Variants in RNF17 observed in about 807,000 individuals in gnomAD.
The protein encoded by RNF17 is ring finger protein 17.
RNF17 carries 31 observed loss-of-function variants against 200.5 expected under a neutral mutation model. That is an observed-to-expected ratio of 0.15 (90% CI 0.12 to 0.21). The LOEUF is 0.21. Among genes scored for constraint, RNF17 ranks in the 10% least tolerant of loss-of-function variants. The pLI, the probability that RNF17 is intolerant of heterozygous loss-of-function variation, is 1.00. For missense variants in RNF17, 1,628 were observed against 1,905.1 expected, an observed-to-expected ratio of 0.85 and a Z score of 2.71; for synonymous variants, 606 against 637.8, an observed-to-expected ratio of 0.95 and a Z score of 0.75.
rs750600064 is a variant in RNF17 at position 24,870,745 on chromosome 13, C to G, written c.4447+6C>G. The G allele has an allele frequency of 8.7e-6, 14 of 1,611,866 alleles. No homozygotes were observed. Among genetic ancestry groups the G allele is most frequent in the Middle Eastern group, 1.7e-4 (1 of 6,048 alleles). ...TCTGACGGATTTTAGAACAGGTATA[C>G]TTACTATATTTGAATGAAACAGGAT... is the stretch of plus-strand genomic sequence containing the variant. On this transcript the variant is annotated splice_donor_region_variant and intron_variant, in intron 32 of 35. Coordinates refer to ENST00000255324, the MANE Select transcript of RNF17 (RefSeq NM_031277.3).
chr13:24,793,407 T>A (rs1884136881), intron 10 of RNF17, 61 bp downstream of exon 10: 3 of 1,449,668 alleles, frequency 2.1e-6, no homozygotes, highest in Non-Finnish European at 2.8e-6. Flanking sequence ...ACACAGTTGG[T>A]ACCTTTTTCG....
rs1893601373 is a variant in RNF17 at position 24,866,132 on chromosome 13, A to G, written c.4102-12A>G. 1 of 1,417,394 alleles carries G rather than the reference A, an allele frequency of 7.1e-7. No homozygotes were observed. The allele number at this position is 1,417,394 out of a possible 1,614,324, so 87.8% of individuals were successfully genotyped here. A position where few individuals can be genotyped will look rare whatever the true frequency, so the allele number is the denominator to read the frequency against. On this transcript the variant is annotated splice_polypyrimidine_tract_variant and intron_variant, in intron 29 of 35. Transcript: ENST00000255324. The stretch of plus-strand genomic sequence containing the variant: ...GCTAAAGGTGATTTTACTCAATACC[A>G]TATTATTTCAGAAACCAAGATCAGA...
intron 9 of RNF17, among the ~76,000 whole-genome samples, chr13:24,791,924 A>G (rs1055749107): frequency 4.6e-5 from 7 of 152,168 alleles, no homozygotes; most frequent in African/African-American, 1.7e-4. Flanking sequence ...AATTAATCAG[A>G]TAGGTTAACA....
Position 24,859,026 on chromosome 13 carries a change from T to C in RNF17, c.3636T>C (p.Asn1212=), listed in dbSNP as rs764786790. ...LSEFELIKMT[N]EIQSNLKCLG... is the part of the protein sequence containing the mutation. ...AATTTGAGCTAATAAAAATGACAAA[T>C]GAAATTCAAAGTAATTTAAAATGCC... The change falls in exon 26 of 36, where the codon AAT becomes AAC. Residue 1212 remains asparagine, a synonymous_variant. Coordinates refer to ENST00000255324, the MANE Select transcript of RNF17 (RefSeq NM_031277.3). The C allele has an allele frequency of 6.3e-7, 1 of 1,594,650 alleles. No homozygotes were observed.
At chr13:24,758,022 A>G in the RNF17 span, among the ~76,000 whole-genome samples, 1 of 152,160 alleles carries the variant, frequency 6.6e-6, no homozygotes, top group East Asian at 1.9e-4. Context: ...TGCTCCCACC[A>G]TGTAAGACAC....
intron 18 of RNF17, 116 bp from the exon 19 acceptor site, chr13:24,841,925 C>T: frequency 2.7e-6 from 2 of 748,278 alleles, no homozygotes; most frequent in Admixed American, 5.3e-5. Flanking sequence ...GAGATCGTGC[C>T]ACTGCACTCC....
intron 24 of RNF17, among the ~76,000 whole-genome samples, chr13:24,853,630 TA>T (rs1258908697): frequency 6.6e-6 from 1 of 152,222 alleles, no homozygotes; most frequent in Non-Finnish European, 1.5e-5. Flanking sequence ...GCATAGTCTG[TA>T]AATATAGAAA....
At chr13:24,797,679 GGA>G (rs140460990) in intron 11 of RNF17, among the ~76,000 whole-genome samples, 40 of 120,496 alleles carry the variant, frequency 3.3e-4, no homozygotes, top group Non-Finnish European at 3.3e-4. Context: ...TGAGTGGCAG[GGA>G]GAGAGAGAGA....
intron 11 of RNF17, among the ~76,000 whole-genome samples, chr13:24,798,766 T>G (rs959916416): frequency 6.7e-6 from 1 of 150,232 alleles, no homozygotes; most frequent in Non-Finnish European, 1.5e-5. Flanking sequence ...CCTTTTTTTT[T>G]GTTTGTTTGA....
intron 18 of RNF17, among the ~76,000 whole-genome samples, chr13:24,840,834 A>G (rs1256247268): frequency 1.3e-5 from 2 of 152,170 alleles, no homozygotes; most frequent in Admixed American, 6.5e-5. Flanking sequence ...AGTCACCGCT[A>G]AAGAACTTAC....
intron 15 of RNF17, among the ~76,000 whole-genome samples, chr13:24,820,121 CTT>C (rs200683421): frequency 0.49 from 54,898 of 112,270 alleles, 10,444 homozygotes; most frequent in South Asian, 0.61. Context: ...TTTCTTTTTT[CTT>C]TTTTTTTTTT....
At chr13:24,831,458 T>C (rs1231702583) in intron 17 of RNF17, among the ~76,000 whole-genome samples, 1 of 151,962 alleles carries the variant, frequency 6.6e-6, no homozygotes, top group Non-Finnish European at 1.5e-5. Flanking sequence ...AAAAAACAAA[T>C]GAGCAAAAGG....
intron 15 of RNF17, among the ~76,000 whole-genome samples, chr13:24,823,662 C>T (rs1260726908): frequency 6.6e-6 from 1 of 152,132 alleles, no homozygotes; most frequent in Non-Finnish European, 1.5e-5. Context: ...TAGTTAAAGT[C>T]TTTTTATTTC....
chr13:24,782,606 G>GGT (rs1882544730), intron 6 of RNF17, among the ~76,000 whole-genome samples: 1 of 29,712 alleles, frequency 3.4e-5, no homozygotes. Flanking sequence ...AGGCTGAGAT[G>GGT]GGGGGGGGAT....
At chr13:24,790,933 C>G (rs1320148042) in intron 9 of RNF17, among the ~76,000 whole-genome samples, 1 of 152,170 alleles carries the variant, frequency 6.6e-6, no homozygotes, top group African/African-American at 2.4e-5. Flanking sequence ...CCCAAAGGCC[C>G]CACCTCTTAA....
the RNF17 span, among the ~76,000 whole-genome samples, chr13:24,759,024 G>A: frequency 1.6e-5 from 2 of 126,216 alleles, no homozygotes. Flanking sequence ...AAGTTGCAGT[G>A]AACTGAGATC....
At chr13:24,840,095 A>G (rs1451053117) in intron 18 of RNF17, among the ~76,000 whole-genome samples, 1 of 152,240 alleles carries the variant, frequency 6.6e-6, no homozygotes, top group African/African-American at 2.4e-5. Flanking sequence ...AAAAAAAGAT[A>G]TACAAATGGC....
At chr13:24,883,005 T>TATC (rs1555294445), downstream of RNF17, 2 of 628,074 alleles carry the variant, frequency 3.2e-6, no homozygotes, top group Non-Finnish European at 5.6e-6. Flanking sequence ...AAATGAGAGC[T>TATC]ATCATTGCAT....
At chr13:24,885,508 CTT>C in the RNF17 span, 2 of 1,196,934 alleles carry the variant, frequency 1.7e-6, no homozygotes, top group South Asian at 2.4e-5. Flanking sequence ...AGTAAAAACT[CTT>C]TTTTACACGT....
Sources: gnomAD v4.1 joint callset for allele counts (sites outside exome capture counted in the v4.1 genomes callset) on GRCh38, gnomAD v4.1.1 for gene constraint, MANE v1.5 for transcripts, NCBI Gene and HGNC (gene_info 2026-07-23, HGNC 2026-07-21) for gene names.